Variants in PCDHA3 observed in about 807,000 individuals in gnomAD.
PCDHA3 encodes protocadherin alpha-3.
In PCDHA3, 41 loss-of-function variants were observed where a neutral mutation model predicts 62.2. The ratio of observed to expected loss-of-function variants is 0.66; its 90% confidence interval spans 0.51 to 0.86. PCDHA3 has a LOEUF of 0.86. Ranked by LOEUF, PCDHA3 falls within the 40% of genes least tolerant of loss-of-function variation. The probability of loss-of-function intolerance (pLI) is 0.00; values close to 1 mark genes in which losing one functional copy is unlikely to be tolerated. For synonymous variants in PCDHA3, 640 were observed against 555.4 expected, an observed-to-expected ratio of 1.15 and a Z score of -2.14; for missense variants, 1,304 against 1,241.2, an observed-to-expected ratio of 1.05 and a Z score of -0.76.
intron 3 of PCDHA3, among the ~76,000 whole-genome samples, chr5:140,999,595 C>T (rs1232390404): frequency 1.3e-5 from 2 of 152,148 alleles, no homozygotes; most frequent in East Asian, 3.9e-4. Flanking sequence ...GCCTTCCCTA[C>T]ATCCTGGGGG....
chr5:140,913,384 C>G (rs1018271300), intron 1 of PCDHA3, among the ~76,000 whole-genome samples: 1 of 152,144 alleles, frequency 6.6e-6, no homozygotes, highest in Non-Finnish European at 1.5e-5. Flanking sequence ...AGTGGCTCAT[C>G]ATAGCCACTA....
In PCDHA3 at chr5:140,801,808, A is replaced by G. The variant is rs375139618; in HGVS notation, c.611A>G (p.Asp204Gly). 1.2e-6 allele frequency: 2 copies of G among 1,614,006 alleles called. No individual in the cohort carries two copies. The highest frequency in any genetic ancestry group is 1.7e-6 in the Non-Finnish European group (2 of 1,180,044). ...TTGAAAAAAAATTTAAATCGAGAGG[A>G]CACTCCTAAGCATTATTTACTAATA... ...LVLKKNLNRE[D>G]TPKHYLLITA... Residue 204 changes from aspartate to glycine, a missense_variant, in exon 1 of 4, where the codon GAC becomes GGC. Physicochemically the swap from Asp to Gly is moderately conservative, Grantham distance 94. Transcript: ENST00000522353.
At chr5:140,994,788 C>A (rs139745274) in intron 3 of PCDHA3, among the ~76,000 whole-genome samples, 6 of 152,076 alleles carry the variant, frequency 3.9e-5, no homozygotes, top group Admixed American at 3.9e-4. Flanking sequence ...GGAAACAATG[C>A]GTGCATGCAA....
chr5:140,862,867 C>A (rs1562571529), intron 1 of PCDHA3: 4 of 70,810 alleles, frequency 5.6e-5, no homozygotes, highest in Non-Finnish European at 9.2e-5. Context: ...TGTGACGCTG[C>A]CAGGTATTAG....
intron 1 of PCDHA3, among the ~76,000 whole-genome samples, chr5:140,935,795 C>T (rs1366379710): frequency 2.0e-5 from 3 of 151,764 alleles, no homozygotes; most frequent in Admixed American, 6.6e-5. Flanking sequence ...AAAATATAAA[C>T]GAGATTATTT....
At chr5:140,995,577 A>G (rs892793952) in intron 3 of PCDHA3, among the ~76,000 whole-genome samples, 7 of 152,242 alleles carry the variant, frequency 4.6e-5, no homozygotes, top group Non-Finnish European at 1.0e-4. Flanking sequence ...AAGATGAGCT[A>G]TGAGCTTTTA....
intron 1 of PCDHA3, among the ~76,000 whole-genome samples, chr5:140,948,886 T>C (rs892848820): frequency 6.6e-6 from 1 of 151,684 alleles, no homozygotes; most frequent in Non-Finnish European, 1.5e-5. Context: ...TGCTCTCTTT[T>C]AGATTTTAAG....
chr5:140,925,125 A>G (rs1399052853), intron 1 of PCDHA3, among the ~76,000 whole-genome samples: 2 of 150,878 alleles, frequency 1.3e-5, no homozygotes, highest in African/African-American at 2.4e-5. Flanking sequence ...AAGGAAGGAA[A>G]AAAAATTTCA....
intron 1 of PCDHA3, among the ~76,000 whole-genome samples, chr5:140,902,107 T>G (rs2069104126): frequency 6.6e-6 from 1 of 152,174 alleles, no homozygotes; most frequent in African/African-American, 2.4e-5. Flanking sequence ...CTTTAGATTT[T>G]TTTAAAACTG....
intron 3 of PCDHA3, among the ~76,000 whole-genome samples, chr5:140,988,142 A>G (rs1017336547): frequency 5.3e-5 from 8 of 152,056 alleles, no homozygotes; most frequent in African/African-American, 1.4e-4. Context: ...AACCTGTTCA[A>G]CCTCAACTTC....
intron 1 of PCDHA3, chr5:140,857,944 G>T: frequency 6.3e-7 from 1 of 1,597,474 alleles, no homozygotes. Context: ...AGATCAGTAC[G>T]ACGCGCGCTC....
chr5:140,873,497 T>C (rs1236825837), intron 1 of PCDHA3, among the ~76,000 whole-genome samples: 1 of 152,230 alleles, frequency 6.6e-6, no homozygotes, highest in Non-Finnish European at 1.5e-5. Context: ...TGCAAAGTTG[T>C]GTCTTTTATA....
At chr5:140,869,953 A>G (rs781865487) in intron 1 of PCDHA3, 10 of 1,612,868 alleles carry the variant, frequency 6.2e-6, no homozygotes, top group Middle Eastern at 3.3e-4. Context: ...CTTAATGTCA[A>G]TTAAGCCCAA....
At chr5:141,001,811 C>T (rs1200900455) in intron 3 of PCDHA3, among the ~76,000 whole-genome samples, 1 of 152,128 alleles carries the variant, frequency 6.6e-6, no homozygotes, top group Non-Finnish European at 1.5e-5. Flanking sequence ...ATTCTACAAT[C>T]GGCCAAATTC....
Position 140,835,521 on chromosome 5 carries a change from G to A in PCDHA3, c.2394+31930G>A, listed in dbSNP as rs2150237469. The A allele has an allele frequency of 6.2e-6, 10 of 1,613,816 alleles. No homozygotes were observed. In the Admixed American group the frequency reaches 1.7e-4, roughly 27 times the overall value. On this transcript the variant is annotated intron_variant, in intron 1 of 3. Coordinates refer to ENST00000522353, the MANE Select transcript of PCDHA3 (RefSeq NM_018906.3). ...GATTAGCGTGTTTGACCGAGATTTT[G>A]GAGTCAACGGACAGGTTACCTGCTC...
At chr5:140,878,552 C>A (rs1035509057) in intron 1 of PCDHA3, among the ~76,000 whole-genome samples, 1 of 152,130 alleles carries the variant, frequency 6.6e-6, no homozygotes, top group Non-Finnish European at 1.5e-5. Flanking sequence ...TTCAGATGAT[C>A]CCAAACTTAT....
rs1193059751 is a variant in PCDHA3 at position 140,857,644 on chromosome 5, C to G, written c.2394+54053C>G. ...ACGAGGAGCTGGAGCTGCTACAGTT[C>G]CAGGTGAGCGCGCGCGATGGGGGCG... On this transcript the variant is annotated intron_variant, in intron 1 of 3. Coordinates refer to ENST00000522353, the MANE Select transcript of PCDHA3 (RefSeq NM_018906.3). 9 of 1,596,322 alleles carry G rather than the reference C, an allele frequency of 5.6e-6. 1 individual carries two copies. Among genetic ancestry groups the G allele is most frequent in the Non-Finnish European group, 7.7e-6 (9 of 1,167,662 alleles).
At chr5:140,883,932 T>A (rs1554180637) in intron 1 of PCDHA3, 2 of 1,613,418 alleles carry the variant, frequency 1.2e-6, no homozygotes. Context: ...CAGGTGTTCG[T>A]GCTGGACGAG....
At chr5:141,006,741 A>G (rs1275777013) in intron 3 of PCDHA3, among the ~76,000 whole-genome samples, 2 of 152,208 alleles carry the variant, frequency 1.3e-5, no homozygotes, top group Non-Finnish European at 2.9e-5. Flanking sequence ...TTGATGATGT[A>G]TTATAAATGG....
Sources: gnomAD v4.1 joint callset for allele counts (sites outside exome capture counted in the v4.1 genomes callset) on GRCh38, gnomAD v4.1.1 for gene constraint, MANE v1.5 for transcripts, NCBI Gene and HGNC (gene_info 2026-07-23, HGNC 2026-07-21) for gene names.